CYLD: variants seen among roughly 807,000 people sequenced by gnomAD.
CYLD encodes CYLD lysine 63 deubiquitinase, also known as ubiquitin carboxyl-terminal hydrolase CYLD.
In CYLD, 26 loss-of-function variants were observed where a neutral mutation model predicts 104.5. The ratio of observed to expected loss-of-function variants is 0.25; its 90% CI spans 0.18 to 0.35. The LOEUF (loss-of-function observed/expected upper bound fraction) is 0.35, where lower values mean the gene tolerates loss of function less well. Among genes scored for constraint, CYLD ranks in the 10% least tolerant of loss-of-function variants. The pLI is 1.00. For missense variants in CYLD, 703 were observed against 1,136.1 expected (o/e 0.62, Z 5.48); for synonymous variants, 385 against 399.9 (o/e 0.96, Z 0.45).
intron 5 of CYLD, among the ~76,000 whole-genome samples, chr16:50,757,495 A>G (rs1967386291): frequency 6.6e-6 from 1 of 152,044 alleles, no homozygotes. Context: ...GAAAAAGCAT[A>G]TATGTGCTTG....
chr16:50,742,214 G>GAGGTT (rs1327525621), intron 1 of CYLD, 90 bp downstream of exon 1: 1 of 151,718 alleles, frequency 6.6e-6, no homozygotes, highest in Admixed American at 6.6e-5. Context: ...CCCGCCGCCC[G>GAGGTT]AGGTTAGTGA....
In CYLD at chr16:50,746,004, CATAAA is replaced by C. The variant is rs1005952915; in HGVS notation, c.-124+3169_-124+3173del. On this transcript the variant is annotated intron_variant, in intron 2 of 18. Coordinates refer to ENST00000427738, the MANE Select transcript of CYLD (RefSeq NM_001378743.1). ...TATTGCAATACTGGTATTTTGAGTACATAAAATAAATATATATATATAATGGAGTG... is the reference window on the plus strand; with the variant it reads ...TATTGCAATACTGGTATTTTGAGTACATAAATATATATATATAATGGAGTG... Among the ~76,000 whole-genome samples, 79 of 152,082 alleles carry C rather than the reference CATAAA, an allele frequency of 5.2e-4. 2 individuals carry two copies. The highest frequency in any genetic ancestry group is 1.5e-3 in the Admixed American group (23 of 15,282).
intron 15 of CYLD, 40 bp downstream of exon 15, chr16:50,791,730 G>A (rs377384590): frequency 1.2e-6 from 2 of 1,608,494 alleles, no homozygotes; most frequent in South Asian, 1.1e-5. Flanking sequence ...GTGAAAGTCT[G>A]TGGGAGTCTT....
intron 5 of CYLD, among the ~76,000 whole-genome samples, chr16:50,763,565 T>G (rs1273125483): frequency 1.3e-5 from 2 of 152,236 alleles, no homozygotes; most frequent in Non-Finnish European, 2.9e-5. Context: ...CTAGCCATCC[T>G]AGTGGGAATG....
rs781078779 is a variant in CYLD at position 50,751,569 on chromosome 16, A to G, written c.505-35A>G. 8.1e-6 allele frequency: 13 copies of G among 1,602,196 alleles called. No individual in the cohort carries two copies. The South Asian group carries it at 9.9e-5, about 12-fold the overall frequency. ...CCCTTTTCCTATGGATCGTCTTTCT[A>G]TATCTATTTCTTTCCCTTCTCTCTT... On this transcript the variant is annotated intron_variant, in intron 3 of 18. Transcript: ENST00000427738.
intron 11 of CYLD, chr16:50,784,085 A>G: frequency 2.3e-6 from 1 of 443,614 alleles, no homozygotes; most frequent in Admixed American, 3.4e-5. Context: ...TAACACTGCC[A>G]ATCTGCCGTT....
intron 9 of CYLD, 131 bp from the exon 10 acceptor site, chr16:50,781,108 TGATGAGG>T: frequency 2.3e-6 from 2 of 885,958 alleles, no homozygotes; most frequent in Admixed American, 3.6e-5. Flanking sequence ...TCCTTTTTCT[TGATGAGG>T]TTCTCAGTAC....
chr16:50,777,752 TTTCTC>T lies in CYLD; in HGVS notation c.1022-70_1022-66del, dbSNP rs796858914. On this transcript the variant is annotated intron_variant, in intron 7 of 18. Transcript: ENST00000427738. ...GTTATTAACATCATATTCATAATAA[TTTCTC>T]TTACTAAAAAAAAACTTTGATGCTA... 1.4e-4 allele frequency: 112 copies of T among 784,522 alleles called. 1 individual carries two copies. The African/African-American group carries it at 1.8e-3, about 13-fold the overall frequency. 48.6% of individuals were successfully genotyped at this position (784,522 alleles called of 1,614,324 possible). A position where few individuals can be genotyped will look rare whatever the true frequency, so the allele number is the denominator to read the frequency against.
intron 5 of CYLD, among the ~76,000 whole-genome samples, chr16:50,760,726 T>C (rs530978183): frequency 1.8e-4 from 28 of 152,322 alleles, no homozygotes; most frequent in Non-Finnish European, 2.2e-4. Context: ...TTTCTGACTT[T>C]TTGATATTGC....
At chr16:50,784,274 GT>G (rs2151006289) in intron 11 of CYLD, 54 bp from the exon 12 acceptor site, 2 of 1,576,138 alleles carry the variant, frequency 1.3e-6, no homozygotes, top group South Asian at 2.2e-5. Context: ...TTAAAAATCT[GT>G]TTCTTGAAAA....
chr16:50,792,516 A>G, intron 15 of CYLD, 81 bp from the exon 16 acceptor site: 1 of 905,188 alleles, frequency 1.1e-6, no homozygotes, highest in Non-Finnish European at 1.8e-6. Context: ...GTTTTGTTTG[A>G]CAGCCATGAC....
intron 9 of CYLD, 146 bp from the exon 10 acceptor site, chr16:50,781,100 C>T (rs1486954482): frequency 2.4e-6 from 2 of 842,886 alleles, no homozygotes; most frequent in South Asian, 1.4e-5. Flanking sequence ...TACTCAACTC[C>T]TTTTTCTTGA....
chr16:50,785,463 T>C (rs1354922070), intron 12 of CYLD: 1 of 152,232 alleles, frequency 6.6e-6, no homozygotes, highest in Non-Finnish European at 1.5e-5. Flanking sequence ...ATGATCTTAC[T>C]CTTTAAGATA....
At chr16:50,773,317 A>G (rs1172545450) in intron 5 of CYLD, among the ~76,000 whole-genome samples, 1 of 152,236 alleles carries the variant, frequency 6.6e-6, no homozygotes, top group African/African-American at 2.4e-5. Context: ...CAAGTGATGG[A>G]TAAGCTGTGA....
In CYLD at chr16:50,799,256, T is replaced by C. The variant is rs1972295581; in HGVS notation, c.*2748T>C. 1 of 233,352 alleles carries C rather than the reference T, an allele frequency of 4.3e-6. No homozygotes were observed. The highest frequency in any genetic ancestry group is 6.0e-5 in the East Asian group (1 of 16,718). 14.5% of individuals were successfully genotyped at this position (233,352 alleles called of 1,614,324 possible). A position where few individuals can be genotyped will look rare whatever the true frequency, so the allele number is the denominator to read the frequency against. On this transcript the variant is annotated 3_prime_UTR_variant, in exon 19 of 19. Transcript: ENST00000427738. ...ATGATTCATGATTACAAGTAGAAAA[T>C]ATGTCATGTTCCTCACCTCCAAATA...
intron 9 of CYLD, among the ~76,000 whole-genome samples, chr16:50,780,829 TA>T (rs1370907289): frequency 1.3e-5 from 2 of 151,434 alleles, no homozygotes; most frequent in African/African-American, 4.9e-5. Flanking sequence ...AATTTAAATA[TA>T]TTTCTTTTTT....
chr16:50,792,561 A>G (rs1415018267), intron 15 of CYLD, 36 bp from the exon 16 acceptor site: 1 of 1,469,052 alleles, frequency 6.8e-7, no homozygotes, highest in Non-Finnish European at 9.4e-7. Context: ...GTTTTTTTTA[A>G]CACTTTGATT....
rs1971547425 is a variant in CYLD, at chr16:50,792,692, T to C, written c.2337T>C (p.Asp779=). The part of the protein sequence containing the change: ...IFPSLELNIT[D]LLEDTPRQCR... ...CTTCTCTGGAATTAAATATAACAGA[T>C]TTACTTGAAGACAGTAAGTATGAGA... Residue 779 remains aspartate (D), a synonymous_variant, in exon 16 of 19, where the codon GAT becomes GAC. Coordinates refer to ENST00000427738, the MANE Select transcript of CYLD (RefSeq NM_001378743.1). The C allele has an allele frequency of 2.0e-6, 3 of 1,478,644 alleles. No individual in the cohort carries two copies. In the South Asian group the frequency reaches 3.5e-5, roughly 17 times the overall value. The allele number at this position is 1,478,644 out of a possible 1,614,324, so 91.6% of individuals were successfully genotyped here.
chr16:50,787,940 G>C, intron 14 of CYLD, 88 bp downstream of exon 14: 2 of 798,482 alleles, frequency 2.5e-6, no homozygotes, highest in Non-Finnish European at 4.1e-6. Context: ...TTTCCAGAAT[G>C]ATTTCTTAAT....
Sources: gnomAD v4.1 joint callset for allele counts (sites outside exome capture counted in the v4.1 genomes callset) on GRCh38, gnomAD v4.1.1 for gene constraint, MANE v1.5 for transcripts, NCBI Gene and HGNC (gene_info 2026-07-23, HGNC 2026-07-21) for gene names.